The following PRKN variants were observed in gnomAD, a reference collection of about 807,000 sequenced individuals.
The protein encoded by PRKN is E3 ubiquitin-protein ligase parkin.
In PRKN, 56 loss-of-function variants were observed where a neutral mutation model predicts 59.5. That is an observed-to-expected ratio of 0.94 (90% CI 0.76 to 1.18). The LOEUF is 1.18. Among genes scored for constraint, PRKN ranks in the 50% most tolerant of loss-of-function variants. PRKN has a pLI of 0.00. For synonymous variants in PRKN, 250 were observed against 222.1 expected (o/e 1.13, Z -1.12); for missense variants, 657 against 596.4 (o/e 1.10, Z -1.06).
At position 161,349,078 on chromosome 6, in the gene PRKN, C is replaced by T. The variant is rs1052147745; in HGVS notation, c.*1021G>A. 7 of 220,720 alleles carry T rather than the reference C, an allele frequency of 3.2e-5. No individual in the cohort carries two copies. Among genetic ancestry groups the T allele is most frequent in the African/African-American group, 4.5e-5 (2 of 44,624 alleles). The allele number at this position is 220,720 out of a possible 1,614,324, so 13.7% of individuals were successfully genotyped here. On this transcript the variant is annotated 3_prime_UTR_variant, in exon 12 of 12. Coordinates refer to ENST00000366898, the MANE Select transcript of PRKN (RefSeq NM_004562.3). The surrounding 1 kb of genome is among the most constrained non-coding windows in gnomAD (Gnocchi z 5.5). ...TATAAACCCTTCTGATGGAGAGAGTCGGGCGTGTCTTCATTTTGGTAGTTC... is the reference window on the plus strand; with the variant it reads ...TATAAACCCTTCTGATGGAGAGAGTTGGGCGTGTCTTCATTTTGGTAGTTC...
chr6:162,680,236 T>C (rs1037955788), intron 1 of PRKN, among the ~76,000 whole-genome samples: 1 of 151,032 alleles, frequency 6.6e-6, no homozygotes, highest in Non-Finnish European at 1.5e-5. Context: ...ACTATGTACA[T>C]GTATGTGTGT....
intron 1 of PRKN, among the ~76,000 whole-genome samples, chr6:162,722,993 T>C (rs2128241015): frequency 6.6e-6 from 1 of 152,346 alleles, no homozygotes. Context: ...GGCATAGAGC[T>C]GGTTTTCATC....
At chr6:161,555,482 CTG>C (rs1194672015) in intron 8 of PRKN, among the ~76,000 whole-genome samples, 1 of 152,166 alleles carries the variant, frequency 6.6e-6, no homozygotes, top group South Asian at 2.1e-4. Flanking sequence ...TTCAGAAAAA[CTG>C]TAGACTTTTC....
intron 1 of PRKN, among the ~76,000 whole-genome samples, chr6:162,519,418 G>A (rs1777998784): frequency 6.6e-6 from 1 of 152,094 alleles, no homozygotes; most frequent in South Asian, 2.1e-4. Context: ...AGGGCTCTTG[G>A]ATAGCTTTAT....
Position 161,561,679 on chromosome 6 carries a change from A to AAAGTAC in PRKN, c.933+7670_933+7675dup, listed in dbSNP as rs1354687748. Among the ~76,000 whole-genome samples the AAAGTAC allele has an allele frequency of 2.0e-5, 3 of 152,026 alleles. No homozygotes were observed. Among genetic ancestry groups the AAAGTAC allele is most frequent in the Non-Finnish European group, 4.4e-5 (3 of 67,996 alleles). ...TGGATCTGAGCCCTTCTTGCCTTCC[A>AAAGTAC]AAGTACTTCCCTTCTTCAGTTCTTG... On this transcript the variant is annotated intron_variant, in intron 8 of 11. Transcript: ENST00000366898. The surrounding 1 kb of genome is among the most constrained non-coding windows in gnomAD (Gnocchi z 5.0).
intron 7 of PRKN, among the ~76,000 whole-genome samples, chr6:161,625,555 A>G (rs1783053835): frequency 6.6e-6 from 1 of 152,206 alleles, no homozygotes; most frequent in African/African-American, 2.4e-5. Context: ...TAGAACTTAA[A>G]GTATAATTTT....
chr6:161,635,612 C>T (rs956820214), intron 7 of PRKN, among the ~76,000 whole-genome samples: 3 of 152,140 alleles, frequency 2.0e-5, no homozygotes, highest in African/African-American at 7.2e-5. Flanking sequence ...TGAAAGAATC[C>T]CGGATTTTAT....
At chr6:161,956,505 G>A (rs1430709824) in intron 6 of PRKN, among the ~76,000 whole-genome samples, 2 of 152,078 alleles carry the variant, frequency 1.3e-5, no homozygotes, top group African/African-American at 4.8e-5. Context: ...AGAGTACAGT[G>A]CTCTCTCAGG....
At position 161,560,972 on chromosome 6, in the gene PRKN, C is replaced by T. The variant is rs745659902; in HGVS notation, c.933+8383G>A. Among the ~76,000 whole-genome samples the T allele has an allele frequency of 3.9e-5, 6 of 152,170 alleles. No homozygotes were observed. Among genetic ancestry groups the T allele is most frequent in the Non-Finnish European group, 8.8e-5 (6 of 68,040 alleles). On this transcript the variant is annotated intron_variant, in intron 8 of 11. Transcript: ENST00000366898. This position sits in a 1 kb window ranked among gnomAD's most constrained non-coding sequence, Gnocchi z 4.9. ...CCTGGAAAACATCACCTCCACCTTC[C>T]CTGGGCGTGTAGCCCTGCAGCTGGA...
At chr6:162,072,150 C>T (rs968486366) in intron 4 of PRKN, among the ~76,000 whole-genome samples, 7 of 151,976 alleles carry the variant, frequency 4.6e-5, no homozygotes, top group African/African-American at 1.5e-4. Flanking sequence ...AGGCTGGGCG[C>T]GGTGGCTCAC....
At position 161,458,917 on chromosome 6, in the gene PRKN, T is replaced by TC. The variant is rs1790087761; in HGVS notation, c.1084-72041_1084-72040insG. ...ATTACCAGAAGCCATTTTCATGTTT[T>TC]TTTTTTTCTTTTTAAAGTGCATATC... On this transcript the variant is annotated intron_variant, in intron 9 of 11. Transcript: ENST00000366898. This position sits in a 1 kb window ranked among gnomAD's most constrained non-coding sequence, Gnocchi z 6.1. Among the ~76,000 whole-genome samples the TC allele has an allele frequency of 6.6e-6, 1 of 152,206 alleles. No homozygotes were observed. The highest frequency in any genetic ancestry group is 2.4e-5 in the African/African-American group (1 of 41,450).
chr6:161,957,115 C>T (rs1287838495), intron 6 of PRKN, among the ~76,000 whole-genome samples: 4 of 152,188 alleles, frequency 2.6e-5, no homozygotes, highest in Admixed American at 6.5e-5. Context: ...TACTGTCATA[C>T]GTGTAAAGTC....
intron 7 of PRKN, among the ~76,000 whole-genome samples, chr6:161,694,107 C>A (rs1785916717): frequency 6.6e-6 from 1 of 152,216 alleles, no homozygotes; most frequent in African/African-American, 2.4e-5. Flanking sequence ...CTGCTTGACA[C>A]ACGAAAGCCC....
chr6:161,778,432 G>A (rs1455096020), intron 7 of PRKN, among the ~76,000 whole-genome samples: 1 of 152,112 alleles, frequency 6.6e-6, no homozygotes, highest in Non-Finnish European at 1.5e-5. Context: ...GGAACCGATG[G>A]CTTTAGGGAT....
At chr6:162,290,508 T>G (rs1215531594) in intron 2 of PRKN, among the ~76,000 whole-genome samples, 1 of 152,188 alleles carries the variant, frequency 6.6e-6, no homozygotes, top group Admixed American at 6.5e-5. Context: ...TATTCAAATG[T>G]CCATGTTAAA....
intron 9 of PRKN, among the ~76,000 whole-genome samples, chr6:161,535,674 A>G (rs944864421): frequency 3.9e-5 from 6 of 152,176 alleles, no homozygotes; most frequent in Middle Eastern, 3.2e-3. Flanking sequence ...CTACTTCCAG[A>G]TTTGACCTTT....
rs971600150 is a variant in PRKN, at chr6:161,391,687, A to G, written c.1084-4810T>C. The stretch of plus-strand genomic sequence containing the variant: ...TCTTGTAGATGTGACTAGGATCTAT[A>G]ATCAGTTTATTTTAAGTAAGAGAGA... On this transcript the variant is annotated intron_variant, in intron 9 of 11. Transcript: ENST00000366898. The surrounding 1 kb of genome is among the most constrained non-coding windows in gnomAD (Gnocchi z 4.9). 6.6e-6 allele frequency among the ~76,000 whole-genome samples: 1 copy of G among 152,046 alleles called. No homozygotes were observed. The highest frequency in any genetic ancestry group is 1.5e-5 in the Non-Finnish European group (1 of 68,028).
chr6:161,712,105 C>T (rs1355533553), intron 7 of PRKN, among the ~76,000 whole-genome samples: 2 of 152,108 alleles, frequency 1.3e-5, no homozygotes, highest in Non-Finnish European at 2.9e-5. Context: ...CTAGAGAACC[C>T]TGACTAATAC....
intron 3 of PRKN, among the ~76,000 whole-genome samples, chr6:162,260,006 G>C (rs1410023630): frequency 6.6e-6 from 1 of 152,188 alleles, no homozygotes; most frequent in Non-Finnish European, 1.5e-5. Context: ...TCTGAAAGTT[G>C]ACCTGGGATG....
Sources: allele counts gnomAD v4.1 joint callset (sites outside exome capture counted in the v4.1 genomes callset), GRCh38; gene constraint gnomAD v4.1.1; non-coding constraint Gnocchi (gnomAD v3.1); transcripts MANE v1.5; gene names NCBI Gene and HGNC (gene_info 2026-07-23, HGNC 2026-07-21).